Variants in LNPK observed in about 807,000 individuals in gnomAD.
LNPK encodes the protein lunapark, ER junction formation factor.
In LNPK, 29 loss-of-function variants were observed where a neutral mutation model predicts 55.2. That is an observed-to-expected ratio of 0.53 (90% CI 0.39 to 0.72). The LOEUF is 0.72. Among genes scored for constraint, LNPK ranks in the 30% least tolerant of loss-of-function variants. The pLI is 0.00. For missense variants in LNPK, 467 were observed against 494.8 expected (o/e 0.94, Z 0.53); for synonymous variants, 162 against 168.2 (o/e 0.96, Z 0.29).
At chr2:175,985,123 T>G (rs1311059644) in intron 4 of LNPK, among the ~76,000 whole-genome samples, 1 of 152,214 alleles carries the variant, frequency 6.6e-6, no homozygotes, top group Admixed American at 6.5e-5. Flanking sequence ...TGTGAGTCCA[T>G]CTTATAACAT....
intron 5 of LNPK, among the ~76,000 whole-genome samples, chr2:175,978,812 GT>G (rs1687029423): frequency 6.6e-6 from 1 of 152,112 alleles, no homozygotes; most frequent in South Asian, 2.1e-4. Flanking sequence ...GCATATAATT[GT>G]ATTTAAAGAG....
At chr2:175,944,398 T>C (rs1387723345) in intron 9 of LNPK, among the ~76,000 whole-genome samples, 4 of 151,890 alleles carry the variant, frequency 2.6e-5, no homozygotes, top group African/African-American at 9.7e-5. Context: ...TTATTTTATA[T>C]AAAAATAATA....
Position 175,973,442 on chromosome 2 carries a change from T to C in LNPK, c.317-2638A>G, listed in dbSNP as rs148178439. Among the ~76,000 whole-genome samples, 159 of 152,310 alleles carry C rather than the reference T, an allele frequency of 1.0e-3. 1 individual carries two copies. Among genetic ancestry groups the C allele is most frequent in the African/African-American group, 3.4e-3 (142 of 41,576 alleles). ...AAATGACAAATTCAAGTATGTTCTG[T>C]GAAGTACCTGTTGTTGAATAATACA... On this transcript the variant is annotated intron_variant, in intron 5 of 12. Transcript: ENST00000272748.
intron 5 of LNPK, among the ~76,000 whole-genome samples, chr2:175,972,713 T>C (rs907667004): frequency 2.0e-5 from 3 of 152,328 alleles, no homozygotes; most frequent in South Asian, 2.1e-4. Context: ...TTCACAGAGG[T>C]AGTTACTGCC....
chr2:175,966,515 C>T (rs1407288875), intron 6 of LNPK, among the ~76,000 whole-genome samples: 5 of 152,170 alleles, frequency 3.3e-5, no homozygotes, highest in East Asian at 3.9e-4. Context: ...GCTACTTTAT[C>T]GAATGATTGC....
chr2:175,999,346 T>G (rs1688076277), intron 1 of LNPK, among the ~76,000 whole-genome samples: 1 of 152,176 alleles, frequency 6.6e-6, no homozygotes, highest in Non-Finnish European at 1.5e-5. Flanking sequence ...CTTGGACAAA[T>G]CAGTTACTTA....
intron 12 of LNPK, among the ~76,000 whole-genome samples, chr2:175,932,459 G>A (rs1199488752): frequency 6.6e-6 from 1 of 152,138 alleles, no homozygotes; most frequent in African/African-American, 2.4e-5. Flanking sequence ...GGTGAAATGG[G>A]TGGAAATTGA....
At chr2:175,991,362 G>C (rs910850093) in intron 4 of LNPK, among the ~76,000 whole-genome samples, 1 of 152,118 alleles carries the variant, frequency 6.6e-6, no homozygotes, top group Admixed American at 6.5e-5. Flanking sequence ...AATAAAGAAA[G>C]TAGCAGAGAT....
chr2:175,935,015 C>T (rs146048505), intron 12 of LNPK, among the ~76,000 whole-genome samples: 156 of 151,938 alleles, frequency 1.0e-3, no homozygotes, highest in African/African-American at 3.3e-3. Context: ...ATCCTAAATG[C>T]GAAATCTTCC....
At chr2:175,977,948 C>A (rs980718717) in intron 5 of LNPK, among the ~76,000 whole-genome samples, 14 of 152,110 alleles carry the variant, frequency 9.2e-5, no homozygotes, top group Non-Finnish European at 1.5e-4. Flanking sequence ...ACTATAAGAG[C>A]AAAGCTCTAG....
intron 8 of LNPK, among the ~76,000 whole-genome samples, chr2:175,950,663 T>C (rs1685352969): frequency 6.6e-6 from 1 of 152,116 alleles, no homozygotes; most frequent in Non-Finnish European, 1.5e-5. Flanking sequence ...TAATTTTAGC[T>C]CCACCCTGTT....
intron 5 of LNPK, among the ~76,000 whole-genome samples, chr2:175,971,238 A>G (rs1480818922): frequency 6.6e-6 from 1 of 152,142 alleles, no homozygotes; most frequent in Non-Finnish European, 1.5e-5. Context: ...GTCAAGCCTG[A>G]AGATATTAAG....
At chr2:175,970,689 T>G in intron 6 of LNPK, 75 bp downstream of exon 6, 1 of 817,238 alleles carries the variant, frequency 1.2e-6, no homozygotes, top group Middle Eastern at 4.3e-4. Flanking sequence ...AGTTATTAAC[T>G]TCCAACACAT....
intron 9 of LNPK, chr2:175,940,983 C>G: frequency 4.4e-6 from 2 of 454,838 alleles, no homozygotes; most frequent in Non-Finnish European, 8.8e-6. Flanking sequence ...CGCAGTAGCT[C>G]ATGCCTGTAA....
intron 5 of LNPK, among the ~76,000 whole-genome samples, chr2:175,975,459 AT>A (rs1189877168): frequency 3.3e-5 from 5 of 152,070 alleles, no homozygotes; most frequent in Non-Finnish European, 7.4e-5. Context: ...TTTTCATTTT[AT>A]TTTTTTGTGG....
intron 1 of LNPK, among the ~76,000 whole-genome samples, chr2:175,999,859 G>C (rs1032917548): frequency 2.0e-5 from 3 of 152,152 alleles, no homozygotes; most frequent in Non-Finnish European, 4.4e-5. Context: ...ACCGCCTCCT[G>C]GGTTCAAGTG....
chr2:175,975,567 C>T (rs73030688), intron 5 of LNPK, among the ~76,000 whole-genome samples: 2,651 of 152,304 alleles, frequency 0.017, 73 homozygotes, highest in African/African-American at 0.06. Context: ...CGGTATCCTT[C>T]CCCTTGAGCA....
At chr2:175,951,607 A>ATATATATATATATC (rs972901665) in intron 8 of LNPK, among the ~76,000 whole-genome samples, 29 of 121,742 alleles carry the variant, frequency 2.4e-4, no homozygotes, top group Non-Finnish European at 4.7e-4. Context: ...ATATATATAT[A>ATATATATATATATC]TATCTCAGTT....
chr2:175,946,417 A>T (rs1302581328), intron 9 of LNPK, among the ~76,000 whole-genome samples: 1 of 152,152 alleles, frequency 6.6e-6, no homozygotes, highest in African/African-American at 2.4e-5. Flanking sequence ...AAGTATTGTC[A>T]TTATATGTCA....
Sources: gnomAD v4.1 joint callset for allele counts (sites outside exome capture counted in the v4.1 genomes callset) on GRCh38, gnomAD v4.1.1 for gene constraint, MANE v1.5 for transcripts, NCBI Gene and HGNC (gene_info 2026-07-23, HGNC 2026-07-21) for gene names.